Variants in THADA observed in about 807,000 individuals in gnomAD.
THADA encodes tRNA (32-2'-O)-methyltransferase regulator THADA.
In THADA, 213 loss-of-function variants were observed where a neutral mutation model predicts 219.8. That is an observed-to-expected ratio of 0.97 (90% confidence interval 0.87 to 1.09). The LOEUF (loss-of-function observed/expected upper bound fraction) is 1.09, where lower values mean the gene tolerates loss of function less well. Ranked by LOEUF, THADA falls within the 50% of genes least tolerant of loss-of-function variation. THADA has a pLI of 0.00. For synonymous variants in THADA, 1,018 were observed against 828.9 expected, an observed-to-expected ratio of 1.23 and a Z score of -3.92; for missense variants, 2,956 against 2,311.3, an observed-to-expected ratio of 1.28 and a Z score of -5.72.
chr2:43,251,784 T>C (rs1361933793), intron 36 of THADA, among the ~76,000 whole-genome samples: 1 of 152,250 alleles, frequency 6.6e-6, no homozygotes, highest in Non-Finnish European at 1.5e-5. Flanking sequence ...CCTCCTCCCC[T>C]ATCCTCATGC....
chr2:43,390,556 C>T (rs1294869075), intron 29 of THADA, among the ~76,000 whole-genome samples: 2 of 152,166 alleles, frequency 1.3e-5, no homozygotes, highest in Non-Finnish European at 2.9e-5. Flanking sequence ...CTATCTATTC[C>T]TGATTCCCCT....
chr2:43,357,739 G>T (rs1372178804), intron 29 of THADA, among the ~76,000 whole-genome samples: 1 of 152,160 alleles, frequency 6.6e-6, no homozygotes, highest in Non-Finnish European at 1.5e-5. Context: ...CAACTGGAAA[G>T]ATCTCCAAGT....
intron 20 of THADA, among the ~76,000 whole-genome samples, chr2:43,542,736 T>C (rs1235238102): frequency 6.6e-6 from 1 of 152,296 alleles, no homozygotes; most frequent in African/African-American, 2.4e-5. Flanking sequence ...CCAGGTTCAT[T>C]ATATAGCACT....
intron 29 of THADA, among the ~76,000 whole-genome samples, chr2:43,376,326 C>G (rs537090201): frequency 6.6e-6 from 1 of 152,144 alleles, no homozygotes; most frequent in Non-Finnish European, 1.5e-5. Flanking sequence ...AACAGAGAAC[C>G]ATCTGCTCTT....
At chr2:43,236,343 C>T (rs1409528518) in intron 36 of THADA, among the ~76,000 whole-genome samples, 1 of 152,234 alleles carries the variant, frequency 6.6e-6, no homozygotes, top group Non-Finnish European at 1.5e-5. Flanking sequence ...GAGGGACCAG[C>T]TGCAACCTGC....
intron 26 of THADA, among the ~76,000 whole-genome samples, chr2:43,463,589 A>G (rs1683885944): frequency 6.6e-6 from 1 of 152,220 alleles, no homozygotes; most frequent in East Asian, 1.9e-4. Context: ...GTATAAAAGA[A>G]TGTTTTTTCA....
At chr2:43,284,689 G>A (rs954446776) in intron 35 of THADA, among the ~76,000 whole-genome samples, 4 of 152,214 alleles carry the variant, frequency 2.6e-5, no homozygotes, top group African/African-American at 7.2e-5. Flanking sequence ...GCTGCGAGAA[G>A]AGGACCACCG....
chr2:43,533,555 A>G (rs1048487064), intron 21 of THADA, among the ~76,000 whole-genome samples: 9 of 152,252 alleles, frequency 5.9e-5, no homozygotes, highest in Non-Finnish European at 1.3e-4. Context: ...AATACCATAC[A>G]GCCACAAAAA....
chr2:43,351,696 C>T (rs1319611505), intron 29 of THADA, among the ~76,000 whole-genome samples: 1 of 152,186 alleles, frequency 6.6e-6, no homozygotes, highest in Non-Finnish European at 1.5e-5. Context: ...AATTCTACCA[C>T]GGTCTTGCTA....
intron 26 of THADA, among the ~76,000 whole-genome samples, chr2:43,458,790 T>C (rs1046957265): frequency 1.3e-5 from 2 of 152,196 alleles, no homozygotes; most frequent in Admixed American, 1.3e-4. Context: ...ATATCTAATA[T>C]TAATTTGAGA....
chr2:43,356,873 C>G (rs1003994322), intron 29 of THADA, among the ~76,000 whole-genome samples: 1 of 152,232 alleles, frequency 6.6e-6, no homozygotes, highest in Non-Finnish European at 1.5e-5. Context: ...GCTTTGGACT[C>G]CACCACTCAT....
intron 15 of THADA, chr2:43,564,527 C>T (rs762351972): frequency 3.9e-5 from 6 of 152,190 alleles, no homozygotes; most frequent in Non-Finnish European, 7.3e-5. Context: ...CATTTTTGAT[C>T]CATCAAGATA....
intron 37 of THADA, among the ~76,000 whole-genome samples, chr2:43,231,926 A>G (rs1167563649): frequency 6.6e-6 from 1 of 151,464 alleles, no homozygotes; most frequent in Admixed American, 6.6e-5. Flanking sequence ...GGTGGCGATC[A>G]ATTTCAGTTC....
intron 31 of THADA, among the ~76,000 whole-genome samples, chr2:43,298,138 G>T (rs1339354306): frequency 1.1e-5 from 1 of 88,680 alleles, no homozygotes; most frequent in Non-Finnish European, 2.1e-5. Context: ...TGACAATGGC[G>T]GCTTTGTGGA....
At position 43,344,168 on chromosome 2, in the gene THADA, T is replaced by C. The variant is rs1476770326; in HGVS notation, c.4297A>G (p.Thr1433Ala). 1 of 1,612,662 alleles carries C rather than the reference T, an allele frequency of 6.2e-7. No homozygotes were observed. The highest frequency in any genetic ancestry group is 8.5e-7 in the Non-Finnish European group (1 of 1,179,434). The part of the protein sequence containing the change: ...GTNSDFQHEL[T>A]DITVCTKAKL... Reference sequence around the variant, plus strand: ...GCTTTGGTACAAACAGTGATGTCAGTCAGCTCGTGCTGGAAGTCTGAATTC... The same window carrying C: ...GCTTTGGTACAAACAGTGATGTCAGCCAGCTCGTGCTGGAAGTCTGAATTC... Residue 1433 changes from threonine to alanine, a missense_variant, in exon 30 of 38, where the codon ACT (threonine) becomes GCT (alanine). Physicochemically the swap from Thr to Ala is moderately conservative, Grantham distance 58. Coordinates refer to ENST00000405975, the MANE Select transcript of THADA (RefSeq NM_022065.5).
At chr2:43,558,006 A>G (rs532489989) in intron 16 of THADA, among the ~76,000 whole-genome samples, 61 of 152,392 alleles carry the variant, frequency 4.0e-4, no homozygotes, top group African/African-American at 1.3e-3. Context: ...AGAAAGAACC[A>G]ATTAAGCATC....
chr2:43,589,262 T>A (rs1409007296), intron 4 of THADA, among the ~76,000 whole-genome samples: 1 of 152,174 alleles, frequency 6.6e-6, no homozygotes, highest in Non-Finnish European at 1.5e-5. Context: ...AAAAATGCAG[T>A]ATATGCATAC....
Position 43,428,234 on chromosome 2 carries a change from G to T in THADA, c.3927-3C>A. The T allele has an allele frequency of 1.3e-6, 2 of 1,590,906 alleles. No individual in the cohort carries two copies. The highest frequency in any genetic ancestry group is 1.7e-6 in the Non-Finnish European group (2 of 1,166,834). ...GACGATTTGGTTCTCCCATATCACT[G>T]AAACAACAATTATTACACATGAAAG... On this transcript the variant is annotated splice_polypyrimidine_tract_variant and splice_region_variant and intron_variant, in intron 27 of 37. Transcript: ENST00000405975.
At chr2:43,552,478 T>G (rs1696864033) in intron 17 of THADA, 139 bp from the exon 18 acceptor site, 1 of 957,688 alleles carries the variant, frequency 1.0e-6, no homozygotes, top group Non-Finnish European at 1.5e-6. Flanking sequence ...AAGAGATCTT[T>G]CAGGGTTATC....
Sources: allele counts gnomAD v4.1 joint callset (sites outside exome capture counted in the v4.1 genomes callset), GRCh38; gene constraint gnomAD v4.1.1; transcripts MANE v1.5; gene names NCBI Gene and HGNC (gene_info 2026-07-23, HGNC 2026-07-21).